B3GLCT: variants seen among roughly 807,000 people sequenced by gnomAD.
B3GLCT encodes beta-1,3-glucosyltransferase.
B3GLCT carries 65 observed loss-of-function variants against 63.4 expected under a neutral mutation model. The ratio of observed to expected loss-of-function variants is 1.03; its 90% CI spans 0.84 to 1.26. B3GLCT has a LOEUF of 1.26. Among genes scored for constraint, B3GLCT ranks in the 50% most tolerant of loss-of-function variants. The pLI is 0.00. For synonymous variants in B3GLCT, 233 were observed against 219.2 expected, an observed-to-expected ratio of 1.06 and a Z score of -0.55; for missense variants, 577 against 604.8, an observed-to-expected ratio of 0.95 and a Z score of 0.48.
At chr13:31,319,320 C>T (rs1188084548) in intron 13 of B3GLCT, among the ~76,000 whole-genome samples, 1 of 152,042 alleles carries the variant, frequency 6.6e-6, no homozygotes, top group African/African-American at 2.4e-5. Context: ...TCCTTCCTAC[C>T]CTGCGGAACA....
At chr13:31,317,042 A>T (rs1408229205) in intron 12 of B3GLCT, among the ~76,000 whole-genome samples, 3 of 152,170 alleles carry the variant, frequency 2.0e-5, no homozygotes, top group Non-Finnish European at 4.4e-5. Flanking sequence ...TTATCTGAGG[A>T]TTTCTAGGAT....
intron 13 of B3GLCT, among the ~76,000 whole-genome samples, chr13:31,321,363 C>T (rs1875320793): frequency 6.6e-6 from 1 of 152,188 alleles, no homozygotes; most frequent in South Asian, 2.1e-4. Flanking sequence ...ACCAATATGC[C>T]TTTTAACAGC....
chr13:31,311,531 A>G (rs1052368871), intron 12 of B3GLCT: 2 of 152,260 alleles, frequency 1.3e-5, no homozygotes, highest in African/African-American at 4.8e-5. Flanking sequence ...CTAACCTAAA[A>G]GATAAGCATA....
At chr13:31,327,177 T>C (rs768109714) in intron 14 of B3GLCT, among the ~76,000 whole-genome samples, 7 of 152,222 alleles carry the variant, frequency 4.6e-5, no homozygotes, top group South Asian at 2.1e-4. Context: ...CTTTAGAAAG[T>C]AGGCAGAGTA....
At chr13:31,200,709 C>T (rs1868613933) in intron 1 of B3GLCT, among the ~76,000 whole-genome samples, 1 of 152,010 alleles carries the variant, frequency 6.6e-6, no homozygotes, top group South Asian at 2.1e-4. Context: ...TGTCCGCGCG[C>T]CCCTCCGCAG....
At position 31,331,685 on chromosome 13, in the gene B3GLCT, CAG is replaced by C. The variant is rs1457824415; in HGVS notation, c.*2019_*2020del. ...AGCTACCCTTTTAAGAGAAAACCATCAGAAATTGATAATGTTTATATAAAGTT... is the reference window on the plus strand; with the variant it reads ...AGCTACCCTTTTAAGAGAAAACCATCAAATTGATAATGTTTATATAAAGTT... On this transcript the variant is annotated 3_prime_UTR_variant, in exon 15 of 15. Coordinates refer to ENST00000343307, the MANE Select transcript of B3GLCT (RefSeq NM_194318.4). 1.3e-5 allele frequency: 2 copies of C among 152,136 alleles called. No homozygotes were observed. Among genetic ancestry groups the C allele is most frequent in the East Asian group, 3.9e-4 (2 of 5,186 alleles). 9.4% of individuals were successfully genotyped at this position (152,136 alleles called of 1,614,324 possible). A position where few individuals can be genotyped will look rare whatever the true frequency, so the allele number is the denominator to read the frequency against.
intron 1 of B3GLCT, among the ~76,000 whole-genome samples, chr13:31,205,816 A>T (rs1868919919): frequency 2.0e-5 from 3 of 152,258 alleles, no homozygotes; most frequent in African/African-American, 4.8e-5. Context: ...GTCTTTATCT[A>T]CATATATCTG....
intron 1 of B3GLCT, among the ~76,000 whole-genome samples, chr13:31,209,497 C>T (rs113908791): frequency 0.12 from 18,124 of 152,162 alleles, 1,368 homozygotes; most frequent in Non-Finnish European, 0.17. Flanking sequence ...AAGGCTTCCT[C>T]CCCCAGCGTG....
At chr13:31,218,198 T>G (rs1038683850) in intron 2 of B3GLCT, among the ~76,000 whole-genome samples, 19 of 149,392 alleles carry the variant, frequency 1.3e-4, no homozygotes, top group Non-Finnish European at 2.2e-4. Flanking sequence ...TTTTTTTTTT[T>G]TTTTTTTTGA....
chr13:31,320,755 C>T (rs1057161934), intron 13 of B3GLCT, among the ~76,000 whole-genome samples: 2 of 152,200 alleles, frequency 1.3e-5, no homozygotes, highest in Admixed American at 1.3e-4. Context: ...TTAAAGAACT[C>T]TTGCTGAACT....
rs1026058765 is a variant in B3GLCT at position 31,331,873 on chromosome 13, A to G, written c.*2205A>G. The G allele has an allele frequency of 1.3e-5, 2 of 152,124 alleles. No individual in the cohort carries two copies. Among genetic ancestry groups the G allele is most frequent in the African/African-American group, 4.8e-5 (2 of 41,428 alleles). 9.4% of individuals were successfully genotyped at this position (152,124 alleles called of 1,614,324 possible). On this transcript the variant is annotated 3_prime_UTR_variant, in exon 15 of 15. Transcript: ENST00000343307. The stretch of plus-strand genomic sequence containing the variant: ...AATAGGGCTTTCCTTCCAAATGGCT[A>G]TTTTTAGGCTAGGGATGTTAACATC...
chr13:31,292,273 T>A (rs1004158397), intron 12 of B3GLCT, among the ~76,000 whole-genome samples: 2 of 151,090 alleles, frequency 1.3e-5, no homozygotes, highest in African/African-American at 4.8e-5. Flanking sequence ...GTCTGAAATT[T>A]TTTTTCTTGT....
rs1683868611 is a variant in B3GLCT, at chr13:31,283,516, G to A, written c.851-1132G>A. ...CTTTAGAACTATCTGCTTTTTTATG[G>A]TTGCAGAAAAATTATATTTTAATAT... On this transcript the variant is annotated intron_variant, in intron 10 of 14. Coordinates refer to ENST00000343307, the MANE Select transcript of B3GLCT (RefSeq NM_194318.4). 2.0e-5 allele frequency among the ~76,000 whole-genome samples: 3 copies of A among 151,302 alleles called. No homozygotes were observed. In the South Asian group the frequency reaches 6.3e-4, roughly 32 times the overall value.
intron 4 of B3GLCT, among the ~76,000 whole-genome samples, chr13:31,233,906 C>T (rs10467443): frequency 0.61 from 93,174 of 152,036 alleles, 30,140 homozygotes; most frequent in Middle Eastern, 0.75. Flanking sequence ...AGACATACTA[C>T]GGGCAAAGTA....
At chr13:31,318,592 A>G (rs1875177338) in intron 13 of B3GLCT, among the ~76,000 whole-genome samples, 1 of 152,190 alleles carries the variant, frequency 6.6e-6, no homozygotes. Context: ...GATGGCTTGC[A>G]TCTACCTGAG....
intron 6 of B3GLCT, among the ~76,000 whole-genome samples, chr13:31,248,918 CAA>C: frequency 6.6e-6 from 1 of 152,260 alleles, no homozygotes. Context: ...GGAAATGTGT[CAA>C]GAGTAAATCG....
chr13:31,269,240 C>A lies in B3GLCT; in HGVS notation c.623C>A (p.Ser208Tyr). ...NKLTKRLKSESLKSDFTIDLK... is the reference protein window; with the variant it reads ...NKLTKRLKSEYLKSDFTIDLK... ...CTTACCAAGAGACTAAAGAGTGAAT[C>A]CTTGAAATCCGACTTTACAATAGAT... Residue 208 changes from serine to tyrosine, a missense_variant, in exon 8 of 15, where the codon TCC becomes TAC. Coordinates refer to ENST00000343307, the MANE Select transcript of B3GLCT (RefSeq NM_194318.4). The A allele has an allele frequency of 6.2e-7, 1 of 1,610,104 alleles. No homozygotes were observed. The highest frequency in any genetic ancestry group is 1.1e-5 in the South Asian group (1 of 90,962).
chr13:31,214,537 G>A (rs1445697774), intron 1 of B3GLCT, among the ~76,000 whole-genome samples: 1 of 152,104 alleles, frequency 6.6e-6, no homozygotes, highest in African/African-American at 2.4e-5. Context: ...GGTTTAGTAG[G>A]GTTCTGTGCT....
At chr13:31,227,203 C>G (rs1389001942) in intron 3 of B3GLCT, among the ~76,000 whole-genome samples, 3 of 151,558 alleles carry the variant, frequency 2.0e-5, no homozygotes, top group Non-Finnish European at 4.4e-5. Context: ...CCATTTTTTT[C>G]TTTTACACAG....
Sources: gnomAD v4.1 joint callset for allele counts (sites outside exome capture counted in the v4.1 genomes callset) on GRCh38, gnomAD v4.1.1 for gene constraint, MANE v1.5 for transcripts, NCBI Gene and HGNC (gene_info 2026-07-23, HGNC 2026-07-21) for gene names.